Variants in ABCC11 observed in about 807,000 individuals in gnomAD.
ABCC11 encodes the protein ATP-binding cassette sub-family C member 11.
In ABCC11, 135 loss-of-function variants were observed where a neutral mutation model predicts 149.3. That is an observed-to-expected ratio of 0.90 (90% CI 0.79 to 1.04). The LOEUF (loss-of-function observed/expected upper bound fraction) is 1.04, where lower values mean the gene tolerates loss of function less well. Ranked by LOEUF, ABCC11 falls within the 50% of genes least tolerant of loss-of-function variation. The pLI, the probability that ABCC11 is intolerant of heterozygous loss-of-function variation, is 0.00. For synonymous variants in ABCC11, 665 were observed against 671.4 expected, an observed-to-expected ratio of 0.99 and a Z score of 0.15; for missense variants, 1,680 against 1,722.1, an observed-to-expected ratio of 0.98 and a Z score of 0.43.
At position 48,186,438 on chromosome 16, in the gene ABCC11, C is replaced by T. The variant is rs563621591; in HGVS notation, c.3071+515G>A. ...GAACTTCTTGTAGGTGAAGACCGTGCTTGATTATTCTCTACAAACAGATAA... is the reference window on the plus strand; with the variant it reads ...GAACTTCTTGTAGGTGAAGACCGTGTTTGATTATTCTCTACAAACAGATAA... On this transcript the variant is annotated intron_variant, in intron 22 of 29. Transcript: ENST00000356608. 3.1e-4 allele frequency among the ~76,000 whole-genome samples: 47 copies of T among 152,344 alleles called. 1 individual carries two copies. Among genetic ancestry groups the T allele is most frequent in the South Asian group, 2.1e-3 (10 of 4,830 alleles).
chr16:48,197,453 G>A (rs1967534958), intron 17 of ABCC11, among the ~76,000 whole-genome samples: 1 of 152,190 alleles, frequency 6.6e-6, no homozygotes, highest in Non-Finnish European at 1.5e-5. Context: ...AGATGGCTAA[G>A]GTCACACAGC....
chr16:48,194,150 C>T (rs973945172), intron 18 of ABCC11, among the ~76,000 whole-genome samples, 168 bp from the exon 19 acceptor site: 5 of 152,114 alleles, frequency 3.3e-5, no homozygotes, highest in Non-Finnish European at 5.9e-5. Context: ...GTCAGAGAGC[C>T]CTGGGTTCAA....
chr16:48,171,464 G>T (rs994577715), intron 26 of ABCC11, among the ~76,000 whole-genome samples: 2 of 152,154 alleles, frequency 1.3e-5, no homozygotes, highest in Non-Finnish European at 2.9e-5. Context: ...GGGGAAAACC[G>T]GGCCCTGGAA....
In ABCC11 at chr16:48,231,848, T is replaced by C; in HGVS notation, c.74A>G (p.Asp25Gly). ...ATAAATAAGTCCTGAAACCATGTCA[T>C]CGCCTATGTCGATGCCACGATTCAC... is the stretch of plus-strand genomic sequence containing the variant. ...GLVNRGIDIG[D>G]DMVSGLIYKT... Residue 25 changes from aspartate (D) to glycine (G), a missense_variant, in exon 2 of 30, where the codon GAT becomes GGT. Coordinates refer to ENST00000356608, the MANE Select transcript of ABCC11 (RefSeq NM_001370497.1). 6.2e-7 allele frequency: 1 copy of C among 1,614,182 alleles called. No individual in the cohort carries two copies. The highest frequency in any genetic ancestry group is 1.1e-5 in the South Asian group (1 of 91,084).
intron 14 of ABCC11, 29 bp downstream of exon 14, chr16:48,203,199 C>A (rs1242290009): frequency 6.5e-7 from 1 of 1,543,916 alleles, no homozygotes; most frequent in Non-Finnish European, 8.8e-7. Context: ...CAACATTACA[C>A]AGAGAAGGCA....
intron 1 of ABCC11, among the ~76,000 whole-genome samples, chr16:48,239,930 A>G (rs1161243411): frequency 6.6e-6 from 1 of 152,234 alleles, no homozygotes; most frequent in East Asian, 1.9e-4. Flanking sequence ...AAAAAGCTCA[A>G]CATCACTGAT....
chr16:48,239,073 T>C (rs938941889), intron 1 of ABCC11, among the ~76,000 whole-genome samples: 3 of 151,176 alleles, frequency 2.0e-5, no homozygotes, highest in East Asian at 1.9e-4. Context: ...AAATAATAAA[T>C]GTAAAATTAC....
intron 9 of ABCC11, among the ~76,000 whole-genome samples, chr16:48,214,005 T>C (rs183665939): frequency 2.2e-4 from 33 of 152,326 alleles, no homozygotes; most frequent in African/African-American, 4.8e-4. Context: ...AACATCTCCT[T>C]ACCCTTCATG....
chr16:48,222,728 T>C lies in ABCC11; in HGVS notation c.647A>G (p.Lys216Arg), dbSNP rs1432776614. Residue 216 changes from lysine to arginine, a missense_variant, in exon 6 of 30, where the codon AAG becomes AGG. Physicochemically the swap from Lys to Arg is conservative, Grantham distance 26 (BLOSUM62 2). Transcript: ENST00000356608. ...CFALFLSECVKSLSFSSSWII... is the reference protein window; with the variant it reads ...CFALFLSECVRSLSFSSSWII... ...CCAACTGGAGGAGAAACTCAGAGAC[T>C]TCACACATTCGGAGAGAAAAAGGGC... 6.2e-7 allele frequency: 1 copy of C among 1,614,098 alleles called. No individual in the cohort carries two copies. The highest frequency in any genetic ancestry group is 1.7e-5 in the Admixed American group (1 of 60,006).
At chr16:48,239,751 A>G (rs1395770905) in intron 1 of ABCC11, among the ~76,000 whole-genome samples, 1 of 152,164 alleles carries the variant, frequency 6.6e-6, no homozygotes, top group African/African-American at 2.4e-5. Context: ...AACCTACAGA[A>G]TGGAAGAAAA....
intron 12 of ABCC11, among the ~76,000 whole-genome samples, chr16:48,207,852 T>C (rs1968575765): frequency 7.0e-6 from 1 of 143,746 alleles, no homozygotes; most frequent in Non-Finnish European, 1.6e-5. Context: ...CCAGCAGGCA[T>C]AGGTACCCCA....
chr16:48,208,331 A>G, intron 12 of ABCC11, 94 bp downstream of exon 12: 1 of 1,376,044 alleles, frequency 7.3e-7, no homozygotes, highest in Non-Finnish European at 1.0e-6. Context: ...CCCTGTGAGG[A>G]AGAAAGCAGT....
intron 11 of ABCC11, 61 bp downstream of exon 11, chr16:48,210,887 C>T: frequency 6.3e-7 from 1 of 1,583,298 alleles, no homozygotes; most frequent in Non-Finnish European, 8.6e-7. Context: ...TGGCCAAGCT[C>T]CTAGCCTCAG....
At chr16:48,210,295 T>C (rs1472106359) in intron 11 of ABCC11, 2 of 152,052 alleles carry the variant, frequency 1.3e-5, no homozygotes, top group African/African-American at 4.8e-5. Context: ...AGAGATAGAA[T>C]TTAAAACCGC....
At chr16:48,226,352 A>G (rs8055128) in intron 4 of ABCC11, among the ~76,000 whole-genome samples, 19,549 of 143,600 alleles carry the variant, frequency 0.14, 1,565 homozygotes, top group African/African-American at 0.24. Context: ...TCGGCTTACT[A>G]TAAGCTCTGC....
In ABCC11 at chr16:48,227,935, G is replaced by GCA. The variant is rs1231933037; in HGVS notation, c.264_265dup (p.Ala89ValfsTer17). The GCA allele has an allele frequency of 6.2e-7, 1 of 1,613,794 alleles. No individual in the cohort carries two copies. The highest frequency in any genetic ancestry group is 2.2e-5 in the East Asian group (1 of 44,868). On this transcript the variant is annotated frameshift_variant, in exon 4 of 30. Transcript: ENST00000356608. LOFTEE classifies it high-confidence loss of function. ...CACGGTGAGGTAGGAGAACAGGCCA[G>GCA]CATTGTCCAGGGGCTGGGGGGCAGG...
At chr16:48,197,421 G>C (rs915029978) in intron 17 of ABCC11, among the ~76,000 whole-genome samples, 1 of 152,168 alleles carries the variant, frequency 6.6e-6, no homozygotes, top group Non-Finnish European at 1.5e-5. Flanking sequence ...CACTTTTGCC[G>C]AGAATTCAGA....
chr16:48,244,148 C>G (rs1343212860), intron 1 of ABCC11: 1 of 448,328 alleles, frequency 2.2e-6, no homozygotes, highest in Non-Finnish European at 3.9e-6. Flanking sequence ...GTAAGTGAGG[C>G]GAAGGTCGCT....
At position 48,191,939 on chromosome 16, in the gene ABCC11, C is replaced by T. The variant is rs535911782; in HGVS notation, c.2706+581G>A. ...GCACATGTATACATATGTAACTAACCTGCATGTGCACATGTACCCTAAAAC... is the reference window on the plus strand; with the variant it reads ...GCACATGTATACATATGTAACTAACTTGCATGTGCACATGTACCCTAAAAC... On this transcript the variant is annotated intron_variant, in intron 20 of 29. Transcript: ENST00000356608. Among the ~76,000 whole-genome samples, 4 of 152,150 alleles carry T rather than the reference C, an allele frequency of 2.6e-5. No homozygotes were observed. The South Asian group carries it at 8.3e-4, about 32-fold the overall frequency.
Sources: gnomAD v4.1 joint callset for allele counts (sites outside exome capture counted in the v4.1 genomes callset) on GRCh38, gnomAD v4.1.1 for gene constraint, MANE v1.5 for transcripts, NCBI Gene and HGNC (gene_info 2026-07-23, HGNC 2026-07-21) for gene names.